TLR2: variants seen among roughly 807,000 people sequenced by gnomAD.
TLR2 encodes toll like receptor 2, also known as toll-like receptor 2.
TLR2 carries 7 observed loss-of-function variants against 9.1 expected under a neutral mutation model. That is an observed-to-expected ratio of 0.77 (90% CI 0.44 to 1.44). TLR2 has a LOEUF of 1.44. Ranked by LOEUF, TLR2 falls within the 40% of genes most tolerant of loss-of-function variation. TLR2 has a pLI of 0.01. For missense variants in TLR2, 812 were observed against 904.6 expected (o/e 0.90, Z 1.31); for synonymous variants, 317 against 344.6 (o/e 0.92, Z 0.89).
At position 153,705,059 on chromosome 4, in the gene TLR2, G is replaced by T; in HGVS notation, c.2152G>T (p.Asp718Tyr). ...GAGTGAGTGGTGCAAGTATGAACTG[G>T]ACTTCTCCCATTTCCGTCTTTTTGA... The part of the protein sequence containing the change: ...VKSEWCKYEL[D>Y]FSHFRLFDEN... The change falls in exon 3 of 3, where the codon GAC (aspartate) becomes TAC (tyrosine). Residue 718 changes from aspartate (D) to tyrosine (Y), a missense_variant. Transcript: ENST00000642700. 2 of 1,614,082 alleles carry T rather than the reference G, an allele frequency of 1.2e-6. No homozygotes were observed. The highest frequency in any genetic ancestry group is 1.7e-4 in the Middle Eastern group (1 of 6,048).
intron 2 of TLR2, 112 bp from the exon 3 acceptor site, chr4:153,702,760 CTTTGTGTGTGTGTGTGTGTG>C (rs1339442701): frequency 6.6e-5 from 26 of 392,616 alleles, no homozygotes; most frequent in Middle Eastern, 8.1e-4. Context: ...CTCTCTCTCT[CTTTGTGTGTGTGTGTGTGTG>C]TGTGTGTGTG....
rs761326689 is a variant in TLR2, at chr4:153,704,979, A to G, written c.2072A>G (p.Asp691Gly). ...PGKWIIDNII[D>G]SIEKSHKTVF... ...AAGTGGATCATTGACAATATCATTG[A>G]CTCCATTGAAAAGAGCCACAAAACT... The change falls in exon 3 of 3, where the codon GAC becomes GGC. Residue 691 changes from aspartate to glycine, a missense_variant. By Grantham distance (94) the Asp-to-Gly change is moderately conservative (BLOSUM62 -1). Transcript: ENST00000642700. 3 of 1,612,734 alleles carry G rather than the reference A, an allele frequency of 1.9e-6. No homozygotes were observed. Among genetic ancestry groups the G allele is most frequent in the South Asian group, 2.2e-5 (2 of 91,012 alleles).
Position 153,703,800 on chromosome 4 carries a change from C to T in TLR2, c.893C>T (p.Ser298Phe), listed in dbSNP as rs377645847. Residue 298 changes from serine (S) to phenylalanine (F), a missense_variant, in exon 3 of 3, where the codon TCT becomes TTT. Ser to Phe is a radical substitution (Grantham distance 155). Transcript: ENST00000642700. The part of the protein sequence containing the change: ...TLNGVGNFRA[S>F]DNDRVIDPGK... ...AATGGAGTTGGTAATTTTAGAGCAT[C>T]TGATAATGACAGAGTTATAGATCCA... 1.9e-6 allele frequency: 3 copies of T among 1,613,860 alleles called. No individual in the cohort carries two copies. Among genetic ancestry groups the T allele is most frequent in the Non-Finnish European group, 2.5e-6 (3 of 1,179,964 alleles).
At position 153,692,067 on chromosome 4, in the gene TLR2, C is replaced by A. The variant is rs115889304; in HGVS notation, c.-17+4020C>A. ...AGTCTGGCAAATTTTTGAACTGTTTCACATGCCTTGTAGCAACACTTTCCA... is the reference window on the plus strand; with the variant it reads ...AGTCTGGCAAATTTTTGAACTGTTTAACATGCCTTGTAGCAACACTTTCCA... On this transcript the variant is annotated intron_variant, in intron 2 of 2. Coordinates refer to ENST00000642700, the MANE Select transcript of TLR2 (RefSeq NM_001318789.2). Among the ~76,000 whole-genome samples the A allele has an allele frequency of 5.0e-3, 767 of 152,258 alleles. 7 individuals carry two copies. The highest frequency in any genetic ancestry group is 0.018 in the African/African-American group (735 of 41,552).
chr4:153,704,699 C>G lies in TLR2; in HGVS notation c.1792C>G (p.Leu598Val). 4.3e-6 allele frequency: 7 copies of G among 1,613,932 alleles called. No homozygotes were observed. Among genetic ancestry groups the G allele is most frequent in the Non-Finnish European group, 5.9e-6 (7 of 1,179,966 alleles). ...ACTGGTGTCTGGCATGTGCTGTGCT[C>G]TGTTCCTGCTGATCCTGCTCACGGG... ...TALVSGMCCA[L>V]FLLILLTGVL... The change falls in exon 3 of 3, where the codon CTG becomes GTG. Residue 598 changes from leucine to valine, a missense_variant. Leu to Val is a conservative substitution (Grantham distance 32). Coordinates refer to ENST00000642700, the MANE Select transcript of TLR2 (RefSeq NM_001318789.2).
chr4:153,697,802 A>G (rs933423605), intron 2 of TLR2, among the ~76,000 whole-genome samples: 3 of 152,210 alleles, frequency 2.0e-5, no homozygotes, highest in Non-Finnish European at 4.4e-5. Context: ...GTCATATTGT[A>G]TGGGTATGTT....
At chr4:153,710,417 C>G, downstream of TLR2, 1 of 1,581,622 alleles carries the variant, frequency 6.3e-7, no homozygotes, top group Non-Finnish European at 8.6e-7. Context: ...TTCCTATCAC[C>G]ACAGGTTGCC....
intron 1 of TLR2, among the ~76,000 whole-genome samples, chr4:153,684,861 C>T (rs1266059133): frequency 6.6e-6 from 1 of 152,232 alleles, no homozygotes; most frequent in Non-Finnish European, 1.5e-5. Flanking sequence ...ACGGCCTGGC[C>T]CTCCCGCTTC....
At chr4:153,686,098 C>A (rs374853473) in intron 1 of TLR2, among the ~76,000 whole-genome samples, 2 of 152,310 alleles carry the variant, frequency 1.3e-5, no homozygotes, top group African/African-American at 4.8e-5. Context: ...TTGGTGATAA[C>A]ATTAATCCAT....
intron 2 of TLR2, 186 bp from the exon 3 acceptor site, chr4:153,702,706 C>A (rs1736976071): frequency 1.7e-6 from 1 of 590,036 alleles, no homozygotes; most frequent in Non-Finnish European, 2.9e-6. Context: ...TCAGGGAATT[C>A]ATTTTTTTAT....
At chr4:153,688,981 A>G (rs182438295) in intron 2 of TLR2, among the ~76,000 whole-genome samples, 2 of 152,328 alleles carry the variant, frequency 1.3e-5, no homozygotes, top group Admixed American at 1.3e-4. Flanking sequence ...ATACAAAGAC[A>G]AACAACACAG....
intron 2 of TLR2, chr4:153,701,800 G>T (rs1474383339): frequency 2.0e-5 from 3 of 151,342 alleles, no homozygotes; most frequent in Non-Finnish European, 2.9e-5. Context: ...GCGAAGCAGT[G>T]GTTTTGGTGC....
At chr4:153,696,709 T>A (rs746594989) in intron 2 of TLR2, among the ~76,000 whole-genome samples, 8 of 152,202 alleles carry the variant, frequency 5.3e-5, no homozygotes, top group Non-Finnish European at 8.8e-5. Flanking sequence ...AGAATGCTGG[T>A]GTGACAGTTC....
chr4:153,685,092 T>G (rs1251494995), intron 1 of TLR2, among the ~76,000 whole-genome samples: 1 of 152,236 alleles, frequency 6.6e-6, no homozygotes, highest in Non-Finnish European at 1.5e-5. Flanking sequence ...CTAACCCAAG[T>G]CTGACCTCTG....
chr4:153,708,098 T>C, downstream of TLR2, among the ~76,000 whole-genome samples: 1 of 152,222 alleles, frequency 6.6e-6, no homozygotes, highest in Admixed American at 6.5e-5. Flanking sequence ...AGATTGTAAA[T>C]ACTTAAATTT....
Position 153,704,996 on chromosome 4 carries a change from C to T in TLR2, c.2089C>T (p.His697Tyr), listed in dbSNP as rs767791208. Reference protein sequence around the residue: ...DNIIDSIEKSHKTVFVLSENF... With the variant: ...DNIIDSIEKSYKTVFVLSENF... ...TATCATTGACTCCATTGAAAAGAGC[C>T]ACAAAACTGTCTTTGTGCTTTCTGA... The change falls in exon 3 of 3, where the codon CAC becomes TAC. Residue 697 changes from histidine to tyrosine, a missense_variant. His to Tyr is a moderately conservative substitution (Grantham distance 83, BLOSUM62 2). Coordinates refer to ENST00000642700, the MANE Select transcript of TLR2 (RefSeq NM_001318789.2). 4 of 1,613,394 alleles carry T rather than the reference C, an allele frequency of 2.5e-6. No individual in the cohort carries two copies. Among genetic ancestry groups the T allele is most frequent in the Non-Finnish European group, 3.4e-6 (4 of 1,180,018 alleles).
chr4:153,706,088 G>T lies in TLR2; in HGVS notation c.*826G>T, dbSNP rs1737315268. On this transcript the variant is annotated 3_prime_UTR_variant, in exon 3 of 3. Transcript: ENST00000642700. ...TTTCCTATTAAACTTTACAGGATGA[G>T]AAATACTAGAGGGTGTATTTTCATG... Among the ~76,000 whole-genome samples the T allele has an allele frequency of 6.6e-6, 1 of 152,210 alleles. No homozygotes were observed. Among genetic ancestry groups the T allele is most frequent in the Non-Finnish European group, 1.5e-5 (1 of 68,036 alleles).
In TLR2 at chr4:153,703,423, A is replaced by C; in HGVS notation, c.516A>C (p.Gly172=). 1 of 1,614,120 alleles carries C rather than the reference A, an allele frequency of 6.2e-7. No homozygotes were observed. The highest frequency in any genetic ancestry group is 8.5e-7 in the Non-Finnish European group (1 of 1,180,004). ...AGATTCAAAGAAAAGATTTTGCTGGACTTACCTTCCTTGAGGAACTTGAGA... is the reference window on the plus strand; with the variant it reads ...AGATTCAAAGAAAAGATTTTGCTGGCCTTACCTTCCTTGAGGAACTTGAGA... ...FTKIQRKDFA[G]LTFLEELEID... The change falls in exon 3 of 3, where the codon GGA becomes GGC. Residue 172 remains glycine, a synonymous_variant. Transcript: ENST00000642700.
Position 153,704,486 on chromosome 4 carries a change from A to G in TLR2, c.1579A>G (p.Thr527Ala). Residue 527 changes from threonine (T) to alanine (A), a missense_variant, in exon 3 of 3, where the codon ACT (threonine) becomes GCT (alanine). By Grantham distance (58) the Thr-to-Ala change is moderately conservative. Transcript: ENST00000642700. ...ACTTGACTCATTTCACACACTGAAG[A>G]CTTTGGAAGCTGGTGGCAATAACTT... ...EQLDSFHTLKTLEAGGNNFIC... is the reference protein window; with the variant it reads ...EQLDSFHTLKALEAGGNNFIC... 6.2e-7 allele frequency: 1 copy of G among 1,614,122 alleles called. No homozygotes were observed. Among genetic ancestry groups the G allele is most frequent in the South Asian group, 1.1e-5 (1 of 91,078 alleles).
Sources: allele counts gnomAD v4.1 joint callset (sites outside exome capture counted in the v4.1 genomes callset), GRCh38; gene constraint gnomAD v4.1.1; transcripts MANE v1.5; gene names NCBI Gene and HGNC (gene_info 2026-07-23, HGNC 2026-07-21).